The following KPNA5 variants were observed in gnomAD, a reference collection of about 807,000 sequenced individuals.
KPNA5 encodes karyopherin subunit alpha 5.
In KPNA5, 46 loss-of-function variants were observed where a neutral mutation model predicts 71.3. That is an observed-to-expected ratio of 0.65 (90% CI 0.51 to 0.83). The LOEUF is 0.83. Ranked by LOEUF, KPNA5 falls within the 40% of genes least tolerant of loss-of-function variation. The pLI, the probability that KPNA5 is intolerant of heterozygous loss-of-function variation, is 0.00. For synonymous variants in KPNA5, 207 were observed against 201.4 expected, an observed-to-expected ratio of 1.03 and a Z score of -0.24; for missense variants, 547 against 628.3, an observed-to-expected ratio of 0.87 and a Z score of 1.38.
At position 116,732,126 on chromosome 6, in the gene KPNA5, T is replaced by C. The variant is rs774066289; in HGVS notation, c.1433-10T>C. 2 of 693,090 alleles carry C rather than the reference T, an allele frequency of 2.9e-6. No individual in the cohort carries two copies. The highest frequency in any genetic ancestry group is 4.3e-6 in the Non-Finnish European group (2 of 467,688). The allele number at this position is 693,090 out of a possible 1,614,324, so 42.9% of individuals were successfully genotyped here. On this transcript the variant is annotated splice_polypyrimidine_tract_variant and intron_variant, in intron 13 of 13. Coordinates refer to ENST00000368564, the MANE Select transcript of KPNA5 (RefSeq NM_001366306.2). ...TATATATATATATATATATATACTT[T>C]GTATAACAGGTCTGGATAAAATTGA...
chr6:116,701,828 T>A (rs1778240667), intron 5 of KPNA5, among the ~76,000 whole-genome samples, 191 bp from the exon 6 acceptor site: 1 of 152,190 alleles, frequency 6.6e-6, no homozygotes, highest in South Asian at 2.1e-4. Flanking sequence ...TTTTCTGTAA[T>A]CAGTGATCTT....
chr6:116,719,472 T>C (rs1180258810), intron 8 of KPNA5, among the ~76,000 whole-genome samples: 1 of 152,192 alleles, frequency 6.6e-6, no homozygotes. Context: ...CATTCAGTTT[T>C]TTTAGAGACA....
intron 13 of KPNA5, among the ~76,000 whole-genome samples, 155 bp from the exon 14 acceptor site, chr6:116,731,981 A>T (rs933004244): frequency 2.7e-5 from 4 of 150,514 alleles, no homozygotes; most frequent in African/African-American, 9.8e-5. Context: ...TGCAACAGTT[A>T]GATTAAAATA....
chr6:116,706,605 C>G (rs1778447244), intron 7 of KPNA5, among the ~76,000 whole-genome samples: 1 of 152,118 alleles, frequency 6.6e-6, no homozygotes, highest in Non-Finnish European at 1.5e-5. Context: ...AGCAGAATCG[C>G]TTGTACCCAG....
In KPNA5 at chr6:116,725,754, A is replaced by G. The variant is rs1368022624; in HGVS notation, c.1003A>G (p.Ile335Val). The change falls in exon 11 of 14, where the codon ATT becomes GTT. Residue 335 changes from isoleucine to valine, a missense_variant. Coordinates refer to ENST00000368564, the MANE Select transcript of KPNA5 (RefSeq NM_001366306.2). ...VTGDDIQTQV[I>V]LNCSALPCLL... is the part of the protein sequence containing the mutation. ...TTCCATTTCTAACTTGTTTTAGGTA[A>G]TTTTGAATTGTTCTGCATTACCCTG... 6.2e-7 allele frequency: 1 copy of G among 1,604,402 alleles called. No individual in the cohort carries two copies. Among genetic ancestry groups the G allele is most frequent in the South Asian group, 1.1e-5 (1 of 88,578 alleles).
chr6:116,735,590 A>G lies in KPNA5; in HGVS notation c.*3267A>G, dbSNP rs1343192044. The G allele has an allele frequency of 1.3e-5, 2 of 151,750 alleles. No individual in the cohort carries two copies. Among genetic ancestry groups the G allele is most frequent in the African/African-American group, 2.4e-5 (1 of 41,440 alleles). The allele number at this position is 151,750 out of a possible 1,614,324, so 9.4% of individuals were successfully genotyped here. ...CAACTTTTGAGTAGTATGCAATATT[A>G]TGAAATGTTACAACACTATATTAAA... On this transcript the variant is annotated 3_prime_UTR_variant, in exon 14 of 14. Transcript: ENST00000368564.
At chr6:116,693,051 C>A (rs1018113722) in intron 4 of KPNA5, among the ~76,000 whole-genome samples, 15 of 152,186 alleles carry the variant, frequency 9.9e-5, no homozygotes, top group Non-Finnish European at 1.8e-4. Context: ...CATGTCCCTA[C>A]AAAGGACATG....
chr6:116,701,967 T>G (rs1326290013), intron 5 of KPNA5, 52 bp from the exon 6 acceptor site: 2 of 1,565,882 alleles, frequency 1.3e-6, no homozygotes, highest in Non-Finnish European at 1.7e-6. Context: ...TTCTTTGCCT[T>G]TCTGACAATT....
intron 1 of KPNA5, chr6:116,681,643 T>C: frequency 1.3e-6 from 1 of 797,812 alleles, no homozygotes; most frequent in Non-Finnish European, 1.6e-6. Context: ...CGGTAGTTCT[T>C]TTCAGTTAAT....
chr6:116,731,383 G>A (rs937208020), intron 13 of KPNA5, among the ~76,000 whole-genome samples: 1 of 152,132 alleles, frequency 6.6e-6, no homozygotes, highest in African/African-American at 2.4e-5. Context: ...TTGACCCCGA[G>A]TCAGACTAGG....
chr6:116,712,754 A>G (rs778834334), intron 7 of KPNA5, among the ~76,000 whole-genome samples: 2 of 152,158 alleles, frequency 1.3e-5, no homozygotes, highest in African/African-American at 2.4e-5. Flanking sequence ...TGTGAGCCAT[A>G]GCACCTGGCC....
intron 9 of KPNA5, among the ~76,000 whole-genome samples, 199 bp from the exon 10 acceptor site, chr6:116,724,098 A>C (rs984524447): frequency 5.9e-5 from 9 of 152,184 alleles, no homozygotes; most frequent in African/African-American, 2.2e-4. Context: ...CTGAGAAATC[A>C]TTCTGGAGAG....
intron 8 of KPNA5, among the ~76,000 whole-genome samples, chr6:116,720,811 C>A (rs915349767): frequency 3.3e-5 from 5 of 152,130 alleles, no homozygotes; most frequent in African/African-American, 9.7e-5. Context: ...CAGAGTGAGA[C>A]CCTGTCTCAA....
At chr6:116,690,160 C>G (rs184958314) in intron 2 of KPNA5, among the ~76,000 whole-genome samples, 1 of 152,098 alleles carries the variant, frequency 6.6e-6, no homozygotes, top group Non-Finnish European at 1.5e-5. Flanking sequence ...GTATTGAACT[C>G]CTCGCCTCAA....
At chr6:116,711,880 C>T (rs902028086) in intron 7 of KPNA5, among the ~76,000 whole-genome samples, 3 of 152,120 alleles carry the variant, frequency 2.0e-5, no homozygotes, top group Admixed American at 6.5e-5. Flanking sequence ...CTTGGTCTCC[C>T]GAAGTGTTGG....
chr6:116,702,772 C>T (rs1778279216), intron 6 of KPNA5, among the ~76,000 whole-genome samples: 1 of 152,202 alleles, frequency 6.6e-6, no homozygotes, highest in African/African-American at 2.4e-5. Flanking sequence ...TTCTTGTTCT[C>T]TGCATATATG....
intron 1 of KPNA5, among the ~76,000 whole-genome samples, chr6:116,686,674 G>A (rs1274892055): frequency 6.6e-6 from 1 of 152,092 alleles, no homozygotes; most frequent in Non-Finnish European, 1.5e-5. Context: ...TTATAGTTTT[G>A]GGTTTTACAT....
Position 116,738,515 on chromosome 6 carries a change from C to T in KPNA5, c.*6192C>T, listed in dbSNP as rs990012297. On this transcript the variant is annotated 3_prime_UTR_variant, in exon 14 of 14. Transcript: ENST00000368564. ...ACTCATTTTCTGAGGCCAGCATCAT[C>T]CTGATACCAAAGCTGGGCAGAGACA... The T allele has an allele frequency of 6.6e-6, 1 of 152,160 alleles. No individual in the cohort carries two copies. Among genetic ancestry groups the T allele is most frequent in the Admixed American group, 6.6e-5 (1 of 15,266 alleles). The allele number at this position is 152,160 out of a possible 1,614,324, so 9.4% of individuals were successfully genotyped here. A position where few individuals can be genotyped will look rare whatever the true frequency, so the allele number is the denominator to read the frequency against.
chr6:116,693,549 T>C (rs1334120422), intron 4 of KPNA5, among the ~76,000 whole-genome samples: 1 of 152,268 alleles, frequency 6.6e-6, no homozygotes, highest in Non-Finnish European at 1.5e-5. Context: ...GGGAAGTGTC[T>C]GTTCATATCC....
Sources: allele counts gnomAD v4.1 joint callset (sites outside exome capture counted in the v4.1 genomes callset), GRCh38; gene constraint gnomAD v4.1.1; transcripts MANE v1.5; gene names NCBI Gene and HGNC (gene_info 2026-07-23, HGNC 2026-07-21).